Variants in SYT2 observed in about 807,000 individuals in gnomAD.
SYT2 encodes synaptotagmin-2.
Under a neutral mutation model 39.9 loss-of-function variants are expected in SYT2, and 15 were observed. The ratio of observed to expected loss-of-function variants is 0.38; its 90% CI spans 0.25 to 0.58. The LOEUF is 0.58. Among genes scored for constraint, SYT2 ranks in the 20% least tolerant of loss-of-function variants. The pLI is 0.70. For synonymous variants in SYT2, 181 were observed against 204.5 expected, an observed-to-expected ratio of 0.89 and a Z score of 0.98; for missense variants, 389 against 530.3, an observed-to-expected ratio of 0.73 and a Z score of 2.62.
intron 1 of SYT2, among the ~76,000 whole-genome samples, chr1:202,672,736 A>T (rs1288615782): frequency 1.8e-3 from 9 of 5,118 alleles, no homozygotes; most frequent in African/African-American, 9.9e-3. Context: ...GAAAACAGAC[A>T]TTTCATTGGA....
Position 202,596,773 on chromosome 1 carries a change from A to C in SYT2, c.1244T>G (p.Leu415Arg). Residue 415 changes from leucine to arginine, a missense_variant, in exon 9 of 9, where the codon CTG (leucine) becomes CGG (arginine). Leu to Arg is a moderately radical substitution (Grantham distance 102). Around this residue, in one of 4 missense-constraint regions of SYT2, gnomAD observed 84 missense variants for 123.1 expected, o/e 0.68. Coordinates refer to ENST00000367268, the MANE Select transcript of SYT2 (RefSeq NM_177402.5). ...CGCTGCTGTCTACTTGTTCTTGCCC[A>C]GGAGTGCATCCACCTCCTCCTCAGG... ...LKPEEEVDAL[L>R]GKNK The C allele has an allele frequency of 2.5e-6, 4 of 1,613,974 alleles. No individual in the cohort carries two copies. Among genetic ancestry groups the C allele is most frequent in the Non-Finnish European group, 3.4e-6 (4 of 1,179,846 alleles).
At position 202,599,465 on chromosome 1, in the gene SYT2, A is replaced by AGT; in HGVS notation, c.920-115_920-114insAC. On this transcript the variant is annotated intron_variant, in intron 7 of 8. Transcript: ENST00000367268. The surrounding 1 kb of genome is among the most constrained non-coding windows in gnomAD (Gnocchi z 4.4). Reference sequence around the variant, plus strand: ...TCAAGAGGGGGTCTTCACTCCGCTGAGACCAGGCCCTCAGAAAGCCCCAAG... The same window carrying AGT: ...TCAAGAGGGGGTCTTCACTCCGCTGAGTGACCAGGCCCTCAGAAAGCCCCAAG... 2 of 1,247,324 alleles carry AGT rather than the reference A, an allele frequency of 1.6e-6. No homozygotes were observed. Among genetic ancestry groups the AGT allele is most frequent in the Non-Finnish European group, 1.1e-6 (1 of 919,920 alleles). 77.3% of individuals were successfully genotyped at this position (1,247,324 alleles called of 1,614,324 possible). A position where few individuals can be genotyped will look rare whatever the true frequency, so the allele number is the denominator to read the frequency against.
intron 1 of SYT2, among the ~76,000 whole-genome samples, chr1:202,689,974 A>G (rs958295115): frequency 1.3e-4 from 20 of 152,090 alleles, no homozygotes; most frequent in Middle Eastern, 3.4e-3. Context: ...ACATCTGATT[A>G]CACAAACCTG....
chr1:202,680,548 C>G (rs1653498584), intron 1 of SYT2, among the ~76,000 whole-genome samples: 1 of 152,090 alleles, frequency 6.6e-6, no homozygotes, highest in African/African-American at 2.4e-5. Flanking sequence ...CTCAAAAAAA[C>G]CCACAACATT....
chr1:202,641,247 G>C (rs562514402), intron 1 of SYT2, among the ~76,000 whole-genome samples: 3 of 152,082 alleles, frequency 2.0e-5, no homozygotes, highest in African/African-American at 4.8e-5. Context: ...AATTTGTCTC[G>C]ACTCTGGTGA....
intron 1 of SYT2, among the ~76,000 whole-genome samples, chr1:202,617,459 C>T (rs1253282713): frequency 2.0e-5 from 3 of 152,126 alleles, no homozygotes; most frequent in Non-Finnish European, 4.4e-5. Flanking sequence ...TGTAAGTTTC[C>T]TGAGGCCTCT....
At chr1:202,684,760 C>A (rs1322584599) in intron 1 of SYT2, among the ~76,000 whole-genome samples, 2 of 152,142 alleles carry the variant, frequency 1.3e-5, no homozygotes, top group African/African-American at 2.4e-5. Flanking sequence ...TTCTGACTTA[C>A]CATGTCACTC....
intron 1 of SYT2, among the ~76,000 whole-genome samples, chr1:202,658,884 C>T (rs748388265): frequency 4.6e-5 from 7 of 151,964 alleles, no homozygotes; most frequent in Non-Finnish European, 1.0e-4. Context: ...ATGAAGTGGC[C>T]GATTTTCCCT....
At chr1:202,702,194 C>T (rs1000029093) in intron 1 of SYT2, among the ~76,000 whole-genome samples, 2 of 152,196 alleles carry the variant, frequency 1.3e-5, no homozygotes, top group Admixed American at 1.3e-4. Flanking sequence ...GGGTGGAGCA[C>T]GCCTCCCTGG....
intron 1 of SYT2, among the ~76,000 whole-genome samples, chr1:202,642,106 T>C (rs1230078802): frequency 6.6e-6 from 1 of 152,108 alleles, no homozygotes; most frequent in Non-Finnish European, 1.5e-5. Context: ...TCAGATACCT[T>C]AAATTCCAAA....
rs1251100885 is a variant in SYT2, at chr1:202,596,085, C to A, written c.*672G>T. On this transcript the variant is annotated 3_prime_UTR_variant, in exon 9 of 9. Transcript: ENST00000367268. ...GAAAGCCCCGATATCTGAACAGGATCCTGAGACTTTGCCATAGATGAGAGA... is the reference window on the plus strand; with the variant it reads ...GAAAGCCCCGATATCTGAACAGGATACTGAGACTTTGCCATAGATGAGAGA... 1 of 152,102 alleles carries A rather than the reference C, an allele frequency of 6.6e-6. No homozygotes were observed. Among genetic ancestry groups the A allele is most frequent in the Non-Finnish European group, 1.5e-5 (1 of 68,036 alleles). 9.4% of individuals were successfully genotyped at this position (152,102 alleles called of 1,614,324 possible). A position where few individuals can be genotyped will look rare whatever the true frequency, so the allele number is the denominator to read the frequency against.
intron 1 of SYT2, among the ~76,000 whole-genome samples, chr1:202,609,006 T>G (rs1260791432): frequency 6.7e-6 from 1 of 150,146 alleles, no homozygotes; most frequent in Non-Finnish European, 1.5e-5. Flanking sequence ...TAGGTATATC[T>G]CCTAATGCTA....
chr1:202,598,144 A>G (rs6666325), intron 8 of SYT2, among the ~76,000 whole-genome samples: 93,346 of 151,984 alleles, frequency 0.61, 28,942 homozygotes, highest in Admixed American at 0.71. Context: ...AATGCTCAGT[A>G]AAGTATGTTG....
chr1:202,604,164 G>T, intron 3 of SYT2: 1 of 332,812 alleles, frequency 3.0e-6, no homozygotes, highest in Non-Finnish European at 5.5e-6. Flanking sequence ...GCTGGTGTGG[G>T]GCTGTCTCTT....
At chr1:202,655,138 G>A (rs1001721279) in intron 1 of SYT2, among the ~76,000 whole-genome samples, 7 of 152,138 alleles carry the variant, frequency 4.6e-5, no homozygotes, top group Admixed American at 6.5e-5. Flanking sequence ...AAGTGGAGTC[G>A]CTGAACATGC....
intron 1 of SYT2, among the ~76,000 whole-genome samples, chr1:202,641,424 C>A (rs138525485): frequency 2.6e-5 from 4 of 152,106 alleles, no homozygotes; most frequent in Non-Finnish European, 5.9e-5. Context: ...AATGTACAGG[C>A]GAGGAAAGCA....
At chr1:202,708,763 A>G (rs1054143867) in intron 1 of SYT2, among the ~76,000 whole-genome samples, 2 of 151,856 alleles carry the variant, frequency 1.3e-5, no homozygotes, top group Non-Finnish European at 2.9e-5. Flanking sequence ...CATCAGAGCC[A>G]CCCTGCCCCC....
Position 202,600,481 on chromosome 1 carries a change from AG to A in SYT2, c.802-8del. On this transcript the variant is annotated splice_region_variant and splice_polypyrimidine_tract_variant and intron_variant, in intron 6 of 8. Coordinates refer to ENST00000367268, the MANE Select transcript of SYT2 (RefSeq NM_177402.5). ...TGTCGCCCAGCTTCTCCGGCTGTCC[AG>A]GGGAAGAGCAGGACTTGGGTCATCT... 6.2e-7 allele frequency: 1 copy of A among 1,613,812 alleles called. No individual in the cohort carries two copies.
intron 1 of SYT2, among the ~76,000 whole-genome samples, chr1:202,701,247 T>C (rs538466625): frequency 2.0e-5 from 3 of 152,338 alleles, no homozygotes; most frequent in Admixed American, 1.3e-4. Context: ...TTTGCAAAAA[T>C]GCCTGCTCAA....
Sources: allele counts gnomAD v4.1 joint callset (sites outside exome capture counted in the v4.1 genomes callset), GRCh38; gene constraint gnomAD v4.1.1; regional missense constraint gnomAD v4.1.1; non-coding constraint Gnocchi (gnomAD v3.1); transcripts MANE v1.5; gene names NCBI Gene and HGNC (gene_info 2026-07-23, HGNC 2026-07-21).